The following MDGA2 variants were observed in gnomAD, a reference collection of about 807,000 sequenced individuals.
MDGA2 encodes the protein MAM domain containing glycosylphosphatidylinositol anchor 2, also known as MAM domain-containing glycosylphosphatidylinositol anchor protein 2.
MDGA2 carries 40 observed loss-of-function variants against 117.8 expected under a neutral mutation model. The ratio of observed to expected loss-of-function variants is 0.34; its 90% confidence interval spans 0.26 to 0.44. The LOEUF (loss-of-function observed/expected upper bound fraction) is 0.44, where lower values mean the gene tolerates loss of function less well. Ranked by LOEUF, MDGA2 falls within the 20% of genes least tolerant of loss-of-function variation. The pLI is 1.00. For missense variants in MDGA2, 1,123 were observed against 1,250.6 expected, an observed-to-expected ratio of 0.90 and a Z score of 1.54; for synonymous variants, 452 against 439.0, an observed-to-expected ratio of 1.03 and a Z score of -0.37.
At chr14:47,525,976 C>T (rs1282713489) in intron 1 of MDGA2, among the ~76,000 whole-genome samples, 2 of 151,944 alleles carry the variant, frequency 1.3e-5, no homozygotes, top group African/African-American at 2.4e-5. Flanking sequence ...TAGGCATTTC[C>T]TTCTTTGAGC....
chr14:47,022,861 C>A (rs548959702), intron 8 of MDGA2, among the ~76,000 whole-genome samples: 1 of 152,176 alleles, frequency 6.6e-6, no homozygotes, highest in South Asian at 2.1e-4. Context: ...ATGCTATTTG[C>A]CAGTTTAGGA....
chr14:47,275,289 G>A (rs1352787967), intron 2 of MDGA2, among the ~76,000 whole-genome samples: 1 of 152,130 alleles, frequency 6.6e-6, no homozygotes, highest in South Asian at 2.1e-4. Flanking sequence ...GTCCCACAGA[G>A]CCATACCTAA....
chr14:47,297,434 G>GGAGT (rs1159876335), intron 2 of MDGA2, among the ~76,000 whole-genome samples: 2 of 147,396 alleles, frequency 1.4e-5, no homozygotes, highest in South Asian at 4.5e-4. Flanking sequence ...GGAGTGGAGG[G>GGAGT]GAGTGAAGGG....
chr14:47,349,869 C>T (rs1890841352), intron 1 of MDGA2, among the ~76,000 whole-genome samples: 1 of 152,182 alleles, frequency 6.6e-6, no homozygotes, highest in African/African-American at 2.4e-5. Context: ...ATTAACCTGG[C>T]CCTCCTTTGC....
chr14:47,161,453 T>C (rs1240170992), intron 3 of MDGA2, among the ~76,000 whole-genome samples: 2 of 152,042 alleles, frequency 1.3e-5, no homozygotes, highest in East Asian at 1.9e-4. Flanking sequence ...CTTATTTCTA[T>C]TATGGTTAGA....
At chr14:47,101,075 C>T (rs1952208) in intron 5 of MDGA2, among the ~76,000 whole-genome samples, 31,314 of 140,138 alleles carry the variant, frequency 0.22, 3,579 homozygotes, top group East Asian at 0.48. Context: ...AATGGAGGGA[C>T]GATAGATAGA....
chr14:47,432,479 G>C (rs569769487), intron 1 of MDGA2, among the ~76,000 whole-genome samples: 97 of 152,024 alleles, frequency 6.4e-4, no homozygotes, highest in African/African-American at 2.2e-3. Flanking sequence ...TCCATCACAT[G>C]TAGAAGAAAT....
intron 1 of MDGA2, among the ~76,000 whole-genome samples, chr14:47,316,232 T>C (rs1166632619): frequency 2.6e-5 from 4 of 152,176 alleles, no homozygotes; most frequent in Admixed American, 6.6e-5. Flanking sequence ...TTGTTGAGAG[T>C]CTGAAATCTC....
intron 2 of MDGA2, 110 bp downstream of exon 2, chr14:47,301,301 A>C (rs201369870): frequency 1.4e-4 from 49 of 359,432 alleles, no homozygotes; most frequent in Admixed American, 2.2e-4. Context: ...CCACCCACAC[A>C]CACACACACA....
At chr14:46,904,357 C>CAA (rs5808366) in intron 10 of MDGA2, among the ~76,000 whole-genome samples, 18 of 73,796 alleles carry the variant, frequency 2.4e-4, no homozygotes, top group East Asian at 1.5e-3. Flanking sequence ...GACTCTGTCT[C>CAA]AAAAAAAAAA....
At position 46,952,590 on chromosome 14, in the gene MDGA2, T is replaced by A. The variant is rs369132666; in HGVS notation, c.2089+4784A>T. Among the ~76,000 whole-genome samples, 8 of 152,108 alleles carry A rather than the reference T, an allele frequency of 5.3e-5. No individual in the cohort carries two copies. The East Asian group carries it at 7.7e-4, about 15-fold the overall frequency. On this transcript the variant is annotated intron_variant, in intron 9 of 16. Transcript: ENST00000399232. ...ACAGCAGTAATCATTAATTTGTGAA[T>A]CATAAAATATTATCACAGCCTGCAC...
chr14:47,034,233 C>T (rs576519245), intron 8 of MDGA2, among the ~76,000 whole-genome samples: 1 of 152,228 alleles, frequency 6.6e-6, no homozygotes, highest in African/African-American at 2.4e-5. Context: ...AACACTGGTA[C>T]ATTTTATTGA....
chr14:47,432,316 A>G (rs1487255692), intron 1 of MDGA2, among the ~76,000 whole-genome samples: 1 of 152,122 alleles, frequency 6.6e-6, no homozygotes, highest in African/African-American at 2.4e-5. Flanking sequence ...TCTCACACTT[A>G]TATGTGGGGC....
intron 1 of MDGA2, among the ~76,000 whole-genome samples, chr14:47,561,175 G>GTTTTT (rs150826944): frequency 7.2e-5 from 5 of 69,366 alleles, no homozygotes; most frequent in East Asian, 1.0e-3. Context: ...TTTTTTGTTT[G>GTTTTT]TTTGTTTTTT....
chr14:47,663,070 A>G (rs528256574), intron 1 of MDGA2, among the ~76,000 whole-genome samples: 1 of 152,352 alleles, frequency 6.6e-6, no homozygotes, highest in East Asian at 1.9e-4. Context: ...GAGAGTCACA[A>G]TAATGGCGTA....
At chr14:47,064,191 T>C (rs543238384) in intron 6 of MDGA2, among the ~76,000 whole-genome samples, 27 of 152,094 alleles carry the variant, frequency 1.8e-4, no homozygotes, top group African/African-American at 6.5e-4. Context: ...AGCATGCTTT[T>C]AAGAGTGAAC....
chr14:47,205,198 A>G (rs375701777), intron 3 of MDGA2, among the ~76,000 whole-genome samples: 18 of 152,030 alleles, frequency 1.2e-4, no homozygotes, highest in African/African-American at 3.9e-4. Flanking sequence ...TGTCAGAAAA[A>G]TATCTCCCTC....
At chr14:46,979,640 C>T (rs2138373180) in intron 8 of MDGA2, among the ~76,000 whole-genome samples, 1 of 152,256 alleles carries the variant, frequency 6.6e-6, no homozygotes, top group Non-Finnish European at 1.5e-5. Flanking sequence ...ATAGATCAAA[C>T]CAGCCACAAT....
chr14:46,846,631 T>C (rs1219770612), intron 15 of MDGA2, among the ~76,000 whole-genome samples: 1 of 152,098 alleles, frequency 6.6e-6, no homozygotes, highest in Non-Finnish European at 1.5e-5. Flanking sequence ...GAAGCACAAT[T>C]AGCAAATTTA....
Sources: allele counts gnomAD v4.1 joint callset (sites outside exome capture counted in the v4.1 genomes callset), GRCh38; gene constraint gnomAD v4.1.1; transcripts MANE v1.5; gene names NCBI Gene and HGNC (gene_info 2026-07-23, HGNC 2026-07-21).